Variants in DNM3 observed in about 807,000 individuals in gnomAD.
The protein encoded by DNM3 is dynamin 3.
DNM3 carries 47 observed loss-of-function variants against 101.6 expected under a neutral mutation model. That is an observed-to-expected ratio of 0.46 (90% confidence interval 0.37 to 0.59). DNM3 has a LOEUF of 0.59. Ranked by LOEUF, DNM3 falls within the 20% of genes least tolerant of loss-of-function variation. DNM3 has a pLI of 0.00. For missense variants in DNM3, 849 were observed against 1,085.7 expected (o/e 0.78, Z 3.06); for synonymous variants, 385 against 387.9 (o/e 0.99, Z 0.09).
chr1:172,217,697 T>G (rs912248343), intron 14 of DNM3, among the ~76,000 whole-genome samples: 2 of 152,132 alleles, frequency 1.3e-5, no homozygotes, highest in Non-Finnish European at 2.9e-5. Flanking sequence ...CTCTCCTTAC[T>G]TTTTTAACTA....
At chr1:172,256,887 T>C (rs1438001552) in intron 15 of DNM3, among the ~76,000 whole-genome samples, 1 of 142,346 alleles carries the variant, frequency 7.0e-6, no homozygotes. Flanking sequence ...TTCAGTTCTG[T>C]TTCCTATTCT....
At chr1:172,319,673 C>T (rs1472049008) in intron 16 of DNM3, among the ~76,000 whole-genome samples, 3 of 152,148 alleles carry the variant, frequency 2.0e-5, no homozygotes, top group African/African-American at 7.2e-5. Flanking sequence ...AAATCAAAAC[C>T]ACAATGAGAT....
At chr1:172,274,760 T>A (rs1454020104) in intron 15 of DNM3, among the ~76,000 whole-genome samples, 1 of 148,548 alleles carries the variant, frequency 6.7e-6, no homozygotes, top group Non-Finnish European at 1.5e-5. Context: ...TACTTGCAGA[T>A]CAATGCAAGG....
chr1:171,994,028 T>A (rs1420458752), intron 4 of DNM3, among the ~76,000 whole-genome samples: 2 of 152,072 alleles, frequency 1.3e-5, no homozygotes, highest in African/African-American at 2.4e-5. Context: ...GATTATTATT[T>A]TTTTTTAGTT....
chr1:172,222,062 A>G (rs2060926699), intron 14 of DNM3, among the ~76,000 whole-genome samples: 1 of 152,168 alleles, frequency 6.6e-6, no homozygotes, highest in South Asian at 2.1e-4. Flanking sequence ...TAGGAAAGTC[A>G]GAGATAGTAA....
At chr1:172,076,070 G>A (rs981449462) in intron 11 of DNM3, among the ~76,000 whole-genome samples, 3 of 152,094 alleles carry the variant, frequency 2.0e-5, no homozygotes, top group African/African-American at 4.8e-5. Flanking sequence ...TATTCTCTTT[G>A]TAGCAATTGC....
chr1:172,190,024 T>G (rs2059652375), intron 14 of DNM3, among the ~76,000 whole-genome samples: 1 of 151,734 alleles, frequency 6.6e-6, no homozygotes. Context: ...TTTTTTTTTT[T>G]TTTTCACTTT....
intron 19 of DNM3, 59 bp from the exon 20 acceptor site, chr1:172,388,514 A>C: frequency 1.7e-5 from 24 of 1,399,174 alleles, no homozygotes; most frequent in Non-Finnish European, 2.2e-5. Flanking sequence ...AAACATTTTT[A>C]GAGATTAATT....
chr1:172,358,482 A>G, intron 17 of DNM3, among the ~76,000 whole-genome samples: 1 of 152,138 alleles, frequency 6.6e-6, no homozygotes, highest in Non-Finnish European at 1.5e-5. Context: ...GTGGTTTATC[A>G]AACATCTAGG....
intron 17 of DNM3, among the ~76,000 whole-genome samples, chr1:172,348,778 A>C (rs1440487817): frequency 6.6e-6 from 1 of 152,222 alleles, no homozygotes; most frequent in Non-Finnish European, 1.5e-5. Context: ...GCTTTAAAAA[A>C]AATCTCATTC....
At chr1:172,043,699 G>A (rs138654725) in intron 8 of DNM3, among the ~76,000 whole-genome samples, 446 of 152,176 alleles carry the variant, frequency 2.9e-3, no homozygotes, top group Admixed American at 5.1e-3. Context: ...AGAACAATTC[G>A]TCATTCTAGG....
chr1:172,156,345 A>G (rs1207349507), intron 14 of DNM3, among the ~76,000 whole-genome samples: 2 of 152,034 alleles, frequency 1.3e-5, no homozygotes, highest in African/African-American at 2.4e-5. Context: ...ATCCTATCCT[A>G]TGGACAATGG....
intron 2 of DNM3, among the ~76,000 whole-genome samples, chr1:171,973,432 T>G (rs2044155453): frequency 6.6e-6 from 1 of 152,162 alleles, no homozygotes; most frequent in South Asian, 2.1e-4. Context: ...TTACTATGTG[T>G]TAAATGCCTT....
chr1:171,857,852 C>T lies in DNM3; in HGVS notation c.161+16035C>T, dbSNP rs1271334490. ...AGGAGGTAATTAAGATTAAAGAGGT[C>T]ATAAGGGTGAGGCCCTGATCAAATA... is the stretch of plus-strand genomic sequence containing the variant. On this transcript the variant is annotated intron_variant, in intron 1 of 20. Transcript: ENST00000627582. Among the ~76,000 whole-genome samples, 2 of 152,012 alleles carry T rather than the reference C, an allele frequency of 1.3e-5. 1 individual carries two copies. The highest frequency in any genetic ancestry group is 4.8e-5 in the African/African-American group (2 of 41,366).
chr1:172,000,188 C>T (rs1202978846), intron 4 of DNM3, among the ~76,000 whole-genome samples: 1 of 151,938 alleles, frequency 6.6e-6, no homozygotes, highest in Admixed American at 6.6e-5. Flanking sequence ...GGGAAAATAG[C>T]AGAGGTGATG....
At chr1:172,347,558 A>C (rs1249465154) in intron 17 of DNM3, among the ~76,000 whole-genome samples, 1 of 152,240 alleles carries the variant, frequency 6.6e-6, no homozygotes, top group African/African-American at 2.4e-5. Flanking sequence ...TCAAGGAATC[A>C]GATTAGATAT....
chr1:171,901,042 G>A (rs1192606098), intron 1 of DNM3, among the ~76,000 whole-genome samples: 1 of 149,390 alleles, frequency 6.7e-6, no homozygotes, highest in Admixed American at 6.7e-5. Flanking sequence ...GAACCCGGGA[G>A]GTGGAGCTTG....
chr1:172,244,160 C>T (rs2061855377), intron 14 of DNM3, among the ~76,000 whole-genome samples: 1 of 151,870 alleles, frequency 6.6e-6, no homozygotes, highest in African/African-American at 2.4e-5. Flanking sequence ...ATGATGATTT[C>T]CAATTTCATC....
intron 14 of DNM3, among the ~76,000 whole-genome samples, chr1:172,228,363 G>A (rs1230443868): frequency 1.3e-5 from 2 of 151,868 alleles, no homozygotes; most frequent in Non-Finnish European, 2.9e-5. Flanking sequence ...TTGTAATGCC[G>A]CCTTTATCAT....
Sources: allele counts gnomAD v4.1 joint callset (sites outside exome capture counted in the v4.1 genomes callset), GRCh38; gene constraint gnomAD v4.1.1; transcripts MANE v1.5; gene names NCBI Gene and HGNC (gene_info 2026-07-23, HGNC 2026-07-21).